Variants in LIMS1 observed in about 807,000 individuals in gnomAD.
The protein encoded by LIMS1 is LIM zinc finger domain containing 1.
In LIMS1, 18 loss-of-function variants were observed where a neutral mutation model predicts 44.1. The observed-to-expected ratio is 0.41, with a 90% CI of 0.28 to 0.61. The LOEUF (loss-of-function observed/expected upper bound fraction) is 0.61. LIMS1 is among the 20% of genes least tolerant of loss of function. LIMS1 has a pLI of 0.32. For missense variants in LIMS1, 201 were observed against 422.0 expected, an observed-to-expected ratio of 0.48 and a Z score of 4.59; for synonymous variants, 93 against 149.1, an observed-to-expected ratio of 0.62 and a Z score of 2.74.
intron 1 of LIMS1, among the ~76,000 whole-genome samples, chr2:108,542,377 T>TA (rs1178638251): frequency 1.2e-4 from 18 of 152,304 alleles, no homozygotes; most frequent in African/African-American, 3.1e-4. Context: ...TATATAATCT[T>TA]ACCATCACAG....
chr2:108,633,935 G>A (rs1689072696), intron 1 of LIMS1, among the ~76,000 whole-genome samples: 1 of 152,168 alleles, frequency 6.6e-6, no homozygotes, highest in Non-Finnish European at 1.5e-5. Context: ...CCATCGTGGT[G>A]TTTCTCCCAC....
rs576403646 is a variant in LIMS1 at position 108,567,950 on chromosome 2, T to C, written c.32+33356T>C. Among the ~76,000 whole-genome samples, 87 of 152,366 alleles carry C rather than the reference T, an allele frequency of 5.7e-4. No homozygotes were observed. In the South Asian group the frequency reaches 8.7e-3, roughly 15 times the overall value. On this transcript the variant is annotated intron_variant, in intron 1 of 9. Transcript: ENST00000544547. ...GCAATTTTCACTTTGCAAACATTGA[T>C]TCATTGATTTAACCACCATTTTGAC... is the stretch of plus-strand genomic sequence containing the variant.
At chr2:108,598,627 C>G (rs1686843314) in intron 1 of LIMS1, among the ~76,000 whole-genome samples, 1 of 152,156 alleles carries the variant, frequency 6.6e-6, no homozygotes, top group Non-Finnish European at 1.5e-5. Context: ...GAATGAGGCC[C>G]TGGCCAGGCA....
At chr2:108,663,832 G>A (rs1342332118) in intron 2 of LIMS1, among the ~76,000 whole-genome samples, 2 of 151,510 alleles carry the variant, frequency 1.3e-5, no homozygotes, top group Non-Finnish European at 2.9e-5. Flanking sequence ...TTGGCTCACC[G>A]CAACCTCCAC....
At chr2:108,667,545 A>ATAT (rs1160627769) in intron 2 of LIMS1, among the ~76,000 whole-genome samples, 7 of 70,442 alleles carry the variant, frequency 9.9e-5, no homozygotes, top group Non-Finnish European at 2.6e-4. Flanking sequence ...TTTTAAAAAA[A>ATAT]AAAAAAATAT....
chr2:108,596,518 G>C (rs1334101984), intron 1 of LIMS1, among the ~76,000 whole-genome samples: 1 of 152,292 alleles, frequency 6.6e-6, no homozygotes, highest in African/African-American at 2.4e-5. Flanking sequence ...TTCCCCATTA[G>C]GGATGTATGT....
At chr2:108,681,878 G>T (rs1383457290) in intron 9 of LIMS1, among the ~76,000 whole-genome samples, 1 of 150,456 alleles carries the variant, frequency 6.6e-6, no homozygotes, top group Non-Finnish European at 1.5e-5. Context: ...GCGACAGAGT[G>T]AGACTCTGTC....
At chr2:108,535,897 C>G (rs1490210493) in intron 1 of LIMS1, among the ~76,000 whole-genome samples, 1 of 152,148 alleles carries the variant, frequency 6.6e-6, no homozygotes, top group African/African-American at 2.4e-5. Context: ...CAAGTTAATT[C>G]AGCTCATCGC....
chr2:108,573,872 A>C (rs1207765271), intron 1 of LIMS1, among the ~76,000 whole-genome samples: 1 of 152,208 alleles, frequency 6.6e-6, no homozygotes, highest in Non-Finnish European at 1.5e-5. Flanking sequence ...GCTGAGGAAG[A>C]GAAGACTTGG....
intron 1 of LIMS1, among the ~76,000 whole-genome samples, chr2:108,637,588 T>C (rs1466099845): frequency 6.6e-6 from 1 of 152,180 alleles, no homozygotes; most frequent in Non-Finnish European, 1.5e-5. Flanking sequence ...CTGGGCGTTC[T>C]CCTAAGTCAG....
At chr2:108,561,132 A>G (rs1332848385) in intron 1 of LIMS1, among the ~76,000 whole-genome samples, 1 of 152,230 alleles carries the variant, frequency 6.6e-6, no homozygotes. Flanking sequence ...GGTATTTGTC[A>G]CTTAACCTGC....
At chr2:108,614,914 A>G (rs1444454875) in intron 1 of LIMS1, among the ~76,000 whole-genome samples, 1 of 152,156 alleles carries the variant, frequency 6.6e-6, no homozygotes, top group African/African-American at 2.4e-5. Context: ...CAGGGAGAAG[A>G]ACCGTTTTTG....
At chr2:108,540,246 T>C (rs1488093877) in intron 1 of LIMS1, among the ~76,000 whole-genome samples, 2 of 136,726 alleles carry the variant, frequency 1.5e-5, no homozygotes, top group Non-Finnish European at 3.1e-5. Flanking sequence ...TTGCCCAGGC[T>C]GGAGTGCAGT....
intron 1 of LIMS1, among the ~76,000 whole-genome samples, chr2:108,627,770 T>G (rs1688664217): frequency 6.6e-6 from 1 of 152,224 alleles, no homozygotes; most frequent in African/African-American, 2.4e-5. Context: ...TCATTGGCTA[T>G]TCTGTGACTA....
At chr2:108,596,715 C>G (rs1437955438) in intron 1 of LIMS1, among the ~76,000 whole-genome samples, 1 of 152,174 alleles carries the variant, frequency 6.6e-6, no homozygotes, top group African/African-American at 2.4e-5. Flanking sequence ...CCCAGCTACT[C>G]AGGAGGCTGA....
intron 1 of LIMS1, among the ~76,000 whole-genome samples, chr2:108,582,469 T>C (rs77703140): frequency 1.3e-5 from 2 of 152,320 alleles, no homozygotes; most frequent in East Asian, 1.9e-4. Flanking sequence ...TAGGTTGATA[T>C]CTGTTTCAGA....
chr2:108,635,217 G>A (rs1451379149), intron 1 of LIMS1, among the ~76,000 whole-genome samples: 1 of 151,826 alleles, frequency 6.6e-6, no homozygotes, highest in Non-Finnish European at 1.5e-5. Flanking sequence ...GATCACCTGA[G>A]GTCAGGAGTT....
chr2:108,607,215 C>T (rs1418524131), intron 1 of LIMS1: 1 of 1,550,928 alleles, frequency 6.4e-7, no homozygotes, highest in South Asian at 1.2e-5. Context: ...GCTTGGACAG[C>T]CAGCTGATGA....
intron 2 of LIMS1, among the ~76,000 whole-genome samples, chr2:108,666,839 A>C (rs1378908183): frequency 6.6e-6 from 1 of 152,220 alleles, no homozygotes; most frequent in Non-Finnish European, 1.5e-5. Flanking sequence ...GATATTACAA[A>C]GGATACAGCT....
Sources: allele counts gnomAD v4.1 joint callset (sites outside exome capture counted in the v4.1 genomes callset), GRCh38; gene constraint gnomAD v4.1.1; transcripts MANE v1.5; gene names NCBI Gene and HGNC (gene_info 2026-07-23, HGNC 2026-07-21).